Variants in METTL17 observed in about 807,000 individuals in gnomAD.
METTL17 encodes the protein ribosome assembly protein METTL17, mitochondrial.
Under a neutral mutation model 59.4 loss-of-function variants are expected in METTL17, and 49 were observed. That is an observed-to-expected ratio of 0.82 (90% CI 0.66 to 1.05). METTL17 has a LOEUF of 1.05. METTL17 is among the 50% of genes least tolerant of loss of function. METTL17 has a pLI of 0.00. For missense variants in METTL17, 555 were observed against 578.4 expected, an observed-to-expected ratio of 0.96 and a Z score of 0.41; for synonymous variants, 208 against 209.2, an observed-to-expected ratio of 0.99 and a Z score of 0.05.
rs369364720 is a variant in METTL17 at position 20,995,239 on chromosome 14, G to C, written c.945+6G>C. 8.4e-5 allele frequency: 136 copies of C among 1,612,830 alleles called. No individual in the cohort carries two copies. The highest frequency in any genetic ancestry group is 1.1e-4 in the Non-Finnish European group (127 of 1,178,966). ...CCAGGGATCTGGTCCTTAAGGTAAG[G>C]CTTCTTCTTCCCTCACTCCCCCACC... On this transcript the variant is annotated splice_donor_region_variant and intron_variant, in intron 10 of 13. Transcript: ENST00000339374.
intron 6 of METTL17, 196 bp from the exon 7 acceptor site, chr14:20,993,773 G>A (rs111890037): frequency 1.5e-5 from 6 of 405,046 alleles, no homozygotes; most frequent in African/African-American, 8.3e-5. Context: ...GTGCCCAGCT[G>A]AGTCTACCTT....
chr14:20,994,456 C>T, intron 7 of METTL17, 87 bp from the exon 8 acceptor site: 1 of 1,148,852 alleles, frequency 8.7e-7, no homozygotes, highest in Non-Finnish European at 1.3e-6. Context: ...TTTACCTATT[C>T]TTGGGGCCAT....
rs79259905 is a variant in METTL17 at position 20,993,314 on chromosome 14, G to A, written c.602+123G>A. The A allele has an allele frequency of 3.7e-3, 2,977 of 806,984 alleles. 61 individuals carry two copies. The African/African-American group carries it at 0.044, about 12-fold the overall frequency. 50.0% of individuals were successfully genotyped at this position (806,984 alleles called of 1,614,324 possible). ...AATAGGCAAGTTGGGAATCTATAAT[G>A]TTTCTTCCATCAGATTAGGCAAGGC... On this transcript the variant is annotated intron_variant, in intron 6 of 13. Coordinates refer to ENST00000339374, the MANE Select transcript of METTL17 (RefSeq NM_022734.3).
intron 8 of METTL17, 41 bp from the exon 9 acceptor site, chr14:20,994,753 A>G (rs750671706): frequency 2.6e-6 from 4 of 1,529,222 alleles, no homozygotes; most frequent in South Asian, 1.1e-5. Context: ...CTTGGGATGT[A>G]GAGATGTTGA....
In METTL17 at chr14:20,996,903, A is replaced by G. The variant is rs749635605; in HGVS notation, c.*13A>G. The G allele has an allele frequency of 1.3e-6, 2 of 1,595,862 alleles. No homozygotes were observed. The highest frequency in any genetic ancestry group is 1.7e-6 in the Non-Finnish European group (2 of 1,169,494). Reference sequence around the variant, plus strand: ...CTCTGAGAGTTGATGAGGATGTGTAACAAGTATTTTCTTCTATCGTGCCTG... The same window carrying G: ...CTCTGAGAGTTGATGAGGATGTGTAGCAAGTATTTTCTTCTATCGTGCCTG... On this transcript the variant is annotated 3_prime_UTR_variant, in exon 14 of 14. Transcript: ENST00000339374.
At position 20,990,320 on chromosome 14, in the gene METTL17, C is replaced by T; in HGVS notation, c.166C>T (p.Leu56=). The change falls in exon 2 of 14, where the codon CTA becomes TTA. Residue 56 remains leucine (L), a synonymous_variant. Coordinates refer to ENST00000339374, the MANE Select transcript of METTL17 (RefSeq NM_022734.3). ...KRPHRQHPGI[L]KLPHVRLPQA... ...GCCTCATCGCCAGCACCCTGGCATC[C>T]TAAAGCTGCCGCACGTGCGGCTGCC... 2 of 1,614,252 alleles carry T rather than the reference C, an allele frequency of 1.2e-6. No homozygotes were observed. The highest frequency in any genetic ancestry group is 1.3e-5 in the African/African-American group (1 of 75,074).
Position 20,990,446 on chromosome 14 carries a change from T to C in METTL17, c.230-18T>C. The stretch of plus-strand genomic sequence containing the variant: ...GACCTACATGCAAGTGATTCCGCTT[T>C]TCGTCTTTGGCCCATAGGGAGCGCT... On this transcript the variant is annotated intron_variant, in intron 2 of 13. Transcript: ENST00000339374. 1.2e-6 allele frequency: 2 copies of C among 1,613,816 alleles called. No homozygotes were observed. The highest frequency in any genetic ancestry group is 1.7e-6 in the Non-Finnish European group (2 of 1,179,760).
chr14:20,993,474 A>G, intron 6 of METTL17: 1 of 416,416 alleles, frequency 2.4e-6, no homozygotes, highest in Middle Eastern at 6.4e-4. Context: ...TTTTGAGTCT[A>G]CCTTTTTTTT....
rs761643791 is a variant in METTL17 at position 20,996,196 on chromosome 14, T to C, written c.997-13T>C. The C allele has an allele frequency of 4.3e-6, 7 of 1,611,416 alleles. No homozygotes were observed. The highest frequency in any genetic ancestry group is 5.9e-6 in the Non-Finnish European group (7 of 1,178,178). ...GCTCTTTTGTCTTACCTCATTTTTT[T>C]ATGTGTTCACAGTGTCCCCATGAAC... On this transcript the variant is annotated splice_polypyrimidine_tract_variant and intron_variant, in intron 11 of 13. Coordinates refer to ENST00000339374, the MANE Select transcript of METTL17 (RefSeq NM_022734.3).
rs1459655261 is a variant in METTL17 at position 20,990,259 on chromosome 14, C to G, written c.105C>G (p.Thr35=). ...TCGCCGCCTTAGTACCCGGAGTGAC[C>G]CAGGTAGATAACAAGTCCGGTTTCC... ...RALAALVPGV[T]QVDNKSGFLQ... is the part of the protein sequence containing the mutation. The change falls in exon 2 of 14, where the codon ACC becomes ACG. Residue 35 remains threonine (T), a synonymous_variant. Coordinates refer to ENST00000339374, the MANE Select transcript of METTL17 (RefSeq NM_022734.3). 21 of 1,614,222 alleles carry G rather than the reference C, an allele frequency of 1.3e-5. No homozygotes were observed. Among genetic ancestry groups the G allele is most frequent in the Non-Finnish European group, 1.8e-5 (21 of 1,180,042 alleles).
Position 20,996,458 on chromosome 14 carries a change from A to G in METTL17, c.1081-69A>G, listed in dbSNP as rs1357272273. ...TAAAAAAGGACTGCAGGAATGGGGA[A>G]GAAGGGACTGTACAAACTTTTTTCC... On this transcript the variant is annotated intron_variant, in intron 12 of 13. Coordinates refer to ENST00000339374, the MANE Select transcript of METTL17 (RefSeq NM_022734.3). 7.8e-6 allele frequency: 12 copies of G among 1,547,708 alleles called. No homozygotes were observed. The African/African-American group carries it at 8.2e-5, about 11-fold the overall frequency.
At chr14:20,994,165 T>A in intron 7 of METTL17, 102 bp downstream of exon 7, 1 of 823,648 alleles carries the variant, frequency 1.2e-6, no homozygotes, top group Non-Finnish European at 2.0e-6. Flanking sequence ...AAAATTAAGA[T>A]GAATCTGGTT....
In METTL17 at chr14:20,992,428, G is replaced by GA. The variant is rs368879809; in HGVS notation, c.447-110dup. 291 of 913,076 alleles carry GA rather than the reference G, an allele frequency of 3.2e-4. 1 individual carries two copies. In the African/African-American group the frequency reaches 3.8e-3, roughly 12 times the overall value. The allele number at this position is 913,076 out of a possible 1,614,324, so 56.6% of individuals were successfully genotyped here. On this transcript the variant is annotated intron_variant, in intron 4 of 13. Transcript: ENST00000339374. ...CCAGGACCCTTTTGTATTGGGGAGT[G>GA]AAAGGCCTGAGCTGGAAGAGCCCTT...
chr14:20,995,021 T>C (rs1880279642), intron 9 of METTL17, 120 bp downstream of exon 9: 2 of 1,130,880 alleles, frequency 1.8e-6, no homozygotes, highest in African/African-American at 1.5e-5. Context: ...TCTTTATCCC[T>C]CTTTGAGGGT....
intron 10 of METTL17, 65 bp from the exon 11 acceptor site, chr14:20,995,836 A>C: frequency 6.0e-6 from 8 of 1,324,260 alleles, no homozygotes; most frequent in Non-Finnish European, 8.7e-6. Context: ...TACTGAGTGC[A>C]GAGATTGAAT....
Position 20,990,561 on chromosome 14 carries a change from G to A in METTL17, c.327G>A (p.Arg109=). ...TAGAGCCAGAGGAGTTGCAAAGACGGGCTAGGCATCTTGAGAAAAAATTCC... is the reference window on the plus strand; with the variant it reads ...TAGAGCCAGAGGAGTTGCAAAGACGAGCTAGGCATCTTGAGAAAAAATTCC... ...LPVEPEELQR[R]ARHLEKKFLE... The change falls in exon 3 of 14, where the codon CGG becomes CGA. Residue 109 remains arginine (R), a synonymous_variant. Coordinates refer to ENST00000339374, the MANE Select transcript of METTL17 (RefSeq NM_022734.3). The A allele has an allele frequency of 6.2e-7, 1 of 1,614,226 alleles. No homozygotes were observed. The highest frequency in any genetic ancestry group is 8.5e-7 in the Non-Finnish European group (1 of 1,180,040).
In METTL17 at chr14:20,994,283, C is replaced by CTTT. The variant is rs370656915; in HGVS notation, c.697+234_697+236dup. Among the ~76,000 whole-genome samples the CTTT allele has an allele frequency of 6.3e-3, 877 of 138,836 alleles. 5 individuals carry two copies. Among genetic ancestry groups the CTTT allele is most frequent in the African/African-American group, 0.021 (798 of 38,066 alleles). The allele number at this position is 138,836 out of a possible 152,430, so 91.1% of individuals were successfully genotyped here. On this transcript the variant is annotated intron_variant, in intron 7 of 13. Transcript: ENST00000339374. ...CAGGAGGCCTAATATTCTCCCTGCCCTTTTTTTTTTTTTTTTAATTAGAGG... is the reference window on the plus strand; with the variant it reads ...CAGGAGGCCTAATATTCTCCCTGCCCTTTTTTTTTTTTTTTTTTTAATTAGAGG...
chr14:20,993,387 TA>T (rs1270177485), intron 6 of METTL17, 196 bp downstream of exon 6: 9 of 486,372 alleles, frequency 1.9e-5, no homozygotes, highest in South Asian at 4.2e-5. Flanking sequence ...AAATGTCAAG[TA>T]AAAAAAGGCG....
chr14:20,993,342 A>G, intron 6 of METTL17, 151 bp downstream of exon 6: 1 of 663,232 alleles, frequency 1.5e-6, no homozygotes, highest in Non-Finnish European at 2.7e-6. Flanking sequence ...GGCAAGGCAG[A>G]AGAAGGTATA....
Sources: gnomAD v4.1 joint callset for allele counts (sites outside exome capture counted in the v4.1 genomes callset) on GRCh38, gnomAD v4.1.1 for gene constraint, MANE v1.5 for transcripts, NCBI Gene and HGNC (gene_info 2026-07-23, HGNC 2026-07-21) for gene names.